The following SORL1 variants were observed in gnomAD, a reference collection of about 807,000 sequenced individuals.
SORL1 encodes sortilin related receptor 1.
A neutral mutation model predicts 273.7 loss-of-function variants in SORL1; 127 were observed. The observed-to-expected ratio is 0.46, with a 90% CI of 0.40 to 0.54. The LOEUF is 0.54. SORL1 is among the 20% of genes least tolerant of loss of function. The probability of loss-of-function intolerance (pLI) is 0.00; values close to 1 mark genes in which losing one functional copy is unlikely to be tolerated. For synonymous variants in SORL1, 1,031 were observed against 1,067.4 expected, an observed-to-expected ratio of 0.97 and a Z score of 0.66; for missense variants, 2,494 against 2,846.1, an observed-to-expected ratio of 0.88 and a Z score of 2.81.
At position 121,614,953 on chromosome 11, in the gene SORL1, G is replaced by A. The variant is rs1863618658; in HGVS notation, c.5502G>A (p.Glu1834=). The change falls in exon 41 of 48, where the codon GAG becomes GAA. Residue 1834 remains glutamate (E), a synonymous_variant. Transcript: ENST00000260197. The part of the protein sequence containing the change: ...TDLGDSPLAF[E]HVMTRGVRPP... ...TGGGGGATAGCCCTCTGGCATTTGA[G>A]CATGTTATGACCAGAGGGGTTCGCC... is the stretch of plus-strand genomic sequence containing the variant. 4 of 1,613,748 alleles carry A rather than the reference G, an allele frequency of 2.5e-6. No individual in the cohort carries two copies. Among genetic ancestry groups the A allele is most frequent in the Non-Finnish European group, 3.4e-6 (4 of 1,179,826 alleles).
At chr11:121,610,588 A>T (rs1248954776) in intron 38 of SORL1, 1 of 155,602 alleles carries the variant, frequency 6.4e-6, no homozygotes, top group African/African-American at 2.4e-5. Context: ...GGTTACACAG[A>T]TGCCAGAACA....
chr11:121,614,649 G>T, intron 40 of SORL1: 1 of 472,766 alleles, frequency 2.1e-6, no homozygotes, highest in Non-Finnish European at 3.7e-6. Flanking sequence ...CGGATGGGCA[G>T]CTTTAAAGAA....
intron 22 of SORL1, among the ~76,000 whole-genome samples, chr11:121,567,651 C>T (rs1420559970): frequency 6.6e-6 from 1 of 152,210 alleles, no homozygotes; most frequent in Non-Finnish European, 1.5e-5. Flanking sequence ...CATGACCAAG[C>T]AGCAAGAGCA....
chr11:121,566,854 G>C (rs546229737), intron 21 of SORL1, 86 bp from the exon 22 acceptor site: 1 of 1,260,718 alleles, frequency 7.9e-7, no homozygotes, highest in Non-Finnish European at 1.1e-6. Context: ...GTAAGACGAG[G>C]AGGTTGCAGT....
intron 29 of SORL1, 73 bp downstream of exon 29, chr11:121,589,463 T>A (rs1300259159): frequency 1.8e-5 from 29 of 1,576,878 alleles, no homozygotes; most frequent in Non-Finnish European, 2.3e-5. Context: ...ACAGGGACAC[T>A]CACCGGCAAC....
chr11:121,456,956 G>GT (rs2134763552), intron 1 of SORL1, among the ~76,000 whole-genome samples: 1 of 152,324 alleles, frequency 6.6e-6, no homozygotes, highest in Non-Finnish European at 1.5e-5. Flanking sequence ...TGATTCTGAA[G>GT]TTAGGATGTT....
chr11:121,570,704 T>C (rs1430557136), intron 23 of SORL1, among the ~76,000 whole-genome samples: 2 of 152,236 alleles, frequency 1.3e-5, no homozygotes, highest in Non-Finnish European at 2.9e-5. Flanking sequence ...TTGGTTGATG[T>C]TGGCTACCTA....
rs1863890713 is a variant in SORL1, at chr11:121,632,635, C to T, written c.*3072C>T. 6.6e-6 allele frequency: 1 copy of T among 151,704 alleles called. No individual in the cohort carries two copies. Among genetic ancestry groups the T allele is most frequent in the African/African-American group, 2.4e-5 (1 of 41,232 alleles). The allele number at this position is 151,704 out of a possible 1,614,324, so 9.4% of individuals were successfully genotyped here. A position where few individuals can be genotyped will look rare whatever the true frequency, so the allele number is the denominator to read the frequency against. On this transcript the variant is annotated 3_prime_UTR_variant, in exon 48 of 48. Coordinates refer to ENST00000260197, the MANE Select transcript of SORL1 (RefSeq NM_003105.6). ...ACTCAGCAATTTAGGGAATGTAACC[C>T]TTCTCAGAACTGGCCATTTTCAGGG...
intron 24 of SORL1, 98 bp downstream of exon 24, chr11:121,574,461 G>A (rs530235915): frequency 1.1e-4 from 126 of 1,130,162 alleles, no homozygotes; most frequent in African/African-American, 5.1e-4. Context: ...TCTGATAGCC[G>A]TCTCAGGATT....
rs527531853 is a variant in SORL1, at chr11:121,487,498, C to T, written c.529-534C>T. 2.0e-4 allele frequency among the ~76,000 whole-genome samples: 30 copies of T among 152,270 alleles called. No individual in the cohort carries two copies. In the East Asian group the frequency reaches 3.5e-3, roughly 18 times the overall value. On this transcript the variant is annotated intron_variant, in intron 3 of 47. Transcript: ENST00000260197. Reference sequence around the variant, plus strand: ...GTGGCAGCCTGGTCCCCAGAGCTGCCGATCACCTGGCATAGCAGCACGAAG... The same window carrying T: ...GTGGCAGCCTGGTCCCCAGAGCTGCTGATCACCTGGCATAGCAGCACGAAG...
At chr11:121,515,883 G>T (rs1248767571) in intron 8 of SORL1, among the ~76,000 whole-genome samples, 2 of 152,140 alleles carry the variant, frequency 1.3e-5, no homozygotes, top group African/African-American at 2.4e-5. Flanking sequence ...CTGACCTCAA[G>T]TGATCTGCCC....
At chr11:121,481,426 T>C (rs80314396) in intron 3 of SORL1, among the ~76,000 whole-genome samples, 2,162 of 41,500 alleles carry the variant, frequency 0.052, no homozygotes, top group Middle Eastern at 0.16. Context: ...CCAGCTCCTC[T>C]CCTAGTGCAC....
rs905182597 is a variant in SORL1 at position 121,521,859 on chromosome 11, T to C, written c.1405-727T>C. Among the ~76,000 whole-genome samples, 3 of 152,222 alleles carry C rather than the reference T, an allele frequency of 2.0e-5. No homozygotes were observed. In the South Asian group the frequency reaches 6.2e-4, roughly 32 times the overall value. On this transcript the variant is annotated intron_variant, in intron 9 of 47. Transcript: ENST00000260197. ...TAACCACATAAGCACATAGTCCTCC[T>C]GTGCAGAACCCTGGCCACATCTGAG...
chr11:121,537,824 C>T (rs911205152), intron 12 of SORL1, among the ~76,000 whole-genome samples: 10 of 152,196 alleles, frequency 6.6e-5, no homozygotes, highest in African/African-American at 2.2e-4. Context: ...AGCTTCTATT[C>T]GTGGACTTTG....
Position 121,619,873 on chromosome 11 carries a change from G to C in SORL1, c.5845G>C (p.Val1949Leu). Residue 1949 changes from valine to leucine, a missense_variant, in exon 43 of 48, where the codon GTC (valine) becomes CTC (leucine). Around this residue, in one of 3 missense-constraint regions of SORL1, gnomAD observed 1,609 missense variants for 1,816.4 expected, o/e 0.89. Transcript: ENST00000260197. Reference protein sequence around the residue: ...HVVHTGKTSVVIKWESPYDSP... With the variant: ...HVVHTGKTSVLIKWESPYDSP... ...GGTTCATACGGGCAAAACCTCCGTG[G>C]TCATCAAGTGGGAATCACCGTATGA... 1 of 1,614,086 alleles carries C rather than the reference G, an allele frequency of 6.2e-7. No individual in the cohort carries two copies. The highest frequency in any genetic ancestry group is 8.5e-7 in the Non-Finnish European group (1 of 1,179,984).
intron 14 of SORL1, among the ~76,000 whole-genome samples, chr11:121,546,257 C>A (rs1862424946): frequency 6.6e-6 from 1 of 152,036 alleles, no homozygotes; most frequent in Non-Finnish European, 1.5e-5. Flanking sequence ...GGGGATGAAC[C>A]TTATTCTATA....
intron 1 of SORL1, among the ~76,000 whole-genome samples, chr11:121,455,942 G>A (rs557716955): frequency 5.9e-4 from 89 of 150,798 alleles, no homozygotes; most frequent in Non-Finnish European, 1.2e-3. Flanking sequence ...GCAGTGAGCC[G>A]AGATCGCGCC....
rs35609606 is a variant in SORL1, at chr11:121,541,203, CT to C, written c.1686-2329del. ...ACCCCTAGCCTTTTTGTAGCAGTAT[CT>C]TTTTTTTTTTTTTTTAAGGCAGGGT... On this transcript the variant is annotated intron_variant, in intron 12 of 47. Transcript: ENST00000260197. Among the ~76,000 whole-genome samples the C allele has an allele frequency of 5.1e-3, 651 of 127,088 alleles. 4 individuals are homozygous for C. The highest frequency in any genetic ancestry group is 8.4e-3 in the African/African-American group (317 of 37,698). 83.4% of individuals were successfully genotyped at this position (127,088 alleles called of 152,430 possible).
rs746340629 is a variant in SORL1 at position 121,452,562 on chromosome 11, C to T, written c.231C>T (p.Leu77=). 1.1e-5 allele frequency: 16 copies of T among 1,514,902 alleles called. No individual in the cohort carries two copies. The highest frequency in any genetic ancestry group is 3.5e-4 in the Middle Eastern group (2 of 5,780). 93.8% of individuals were successfully genotyped at this position (1,514,902 alleles called of 1,614,324 possible). A position where few individuals can be genotyped will look rare whatever the true frequency, so the allele number is the denominator to read the frequency against. The change falls in exon 1 of 48, where the codon CTC becomes CTT. Residue 77 remains leucine (L), a synonymous_variant. Transcript: ENST00000260197. The surrounding 1 kb of genome is among the most constrained non-coding windows in gnomAD (Gnocchi z 5.3). ...RGASRADEKP[L]RRKRSAALQP... is the part of the protein sequence containing the mutation. The stretch of plus-strand genomic sequence containing the variant: ...CGAGCCGCGCGGACGAGAAGCCGCT[C>T]CGGAGGAAACGGAGCGCTGCCCTGC...
Sources: allele counts gnomAD v4.1 joint callset (sites outside exome capture counted in the v4.1 genomes callset), GRCh38; gene constraint gnomAD v4.1.1; regional missense constraint gnomAD v4.1.1; non-coding constraint Gnocchi (gnomAD v3.1); transcripts MANE v1.5; gene names NCBI Gene and HGNC (gene_info 2026-07-23, HGNC 2026-07-21).